FYB1: variants seen among roughly 807,000 people sequenced by gnomAD.
FYB1 encodes the protein FYN-binding protein 1.
Under a neutral mutation model 94.1 loss-of-function variants are expected in FYB1, and 41 were observed. The observed-to-expected ratio is 0.44, with a 90% CI of 0.34 to 0.57. The LOEUF is 0.57. Ranked by LOEUF, FYB1 falls within the 20% of genes least tolerant of loss-of-function variation. The pLI is 0.02. For missense variants in FYB1, 1,050 were observed against 976.8 expected (o/e 1.07, Z -1.00); for synonymous variants, 367 against 353.2 (o/e 1.04, Z -0.44).
Position 39,106,385 on chromosome 5 carries a change from T to C in FYB1, c.*1058A>G, listed in dbSNP as rs1033760092. 6.6e-6 allele frequency: 1 copy of C among 152,168 alleles called. No individual in the cohort carries two copies. The highest frequency in any genetic ancestry group is 1.5e-5 in the Non-Finnish European group (1 of 68,008). The allele number at this position is 152,168 out of a possible 1,614,324, so 9.4% of individuals were successfully genotyped here. On this transcript the variant is annotated 3_prime_UTR_variant, in exon 19 of 19. Transcript: ENST00000512982. ...TTTTAAATCATGCTATTTAGTGTTCTTAACATTTGAAACCCAAATGGTTCA... is the reference window on the plus strand; with the variant it reads ...TTTTAAATCATGCTATTTAGTGTTCCTAACATTTGAAACCCAAATGGTTCA...
At chr5:39,167,929 A>C (rs1310077234) in intron 2 of FYB1, among the ~76,000 whole-genome samples, 1 of 142,462 alleles carries the variant, frequency 7.0e-6, no homozygotes, top group African/African-American at 2.4e-5. Flanking sequence ...AAAAAGGCAA[A>C]AATTCTACTC....
intron 2 of FYB1, chr5:39,169,929 C>G (rs571298549): frequency 1.6e-5 from 10 of 632,870 alleles, no homozygotes; most frequent in South Asian, 1.5e-4. Context: ...CAGTAGGCTC[C>G]TTCTGTGAAC....
chr5:39,175,603 G>A (rs540230411), intron 2 of FYB1, among the ~76,000 whole-genome samples: 2 of 152,280 alleles, frequency 1.3e-5, no homozygotes, highest in South Asian at 4.1e-4. Flanking sequence ...CCCTTTTCAT[G>A]CGGGTACATG....
Position 39,136,768 on chromosome 5 carries a change from C to T in FYB1, c.1515+832G>A, listed in dbSNP as rs139323128. ...CTTTGCTTTAATGCAATAAATATAC[C>T]GGGAAGTTATATATAAATCATTTTT... On this transcript the variant is annotated intron_variant, in intron 7 of 18. Coordinates refer to ENST00000512982, the MANE Select transcript of FYB1 (RefSeq NM_001465.6). Among the ~76,000 whole-genome samples, 392 of 152,156 alleles carry T rather than the reference C, an allele frequency of 2.6e-3. 1 individual carries two copies. Among genetic ancestry groups the T allele is most frequent in the South Asian group, 0.02 (94 of 4,820 alleles).
chr5:39,263,021 A>T (rs1752286485), intron 1 of FYB1, among the ~76,000 whole-genome samples: 1 of 152,210 alleles, frequency 6.6e-6, no homozygotes. Flanking sequence ...GTTTTAAAAT[A>T]GATGCCAGAA....
chr5:39,203,494 T>C (rs1423977743), intron 1 of FYB1, among the ~76,000 whole-genome samples: 6 of 152,090 alleles, frequency 3.9e-5, no homozygotes, highest in Non-Finnish European at 8.8e-5. Flanking sequence ...TTTGCAAGAG[T>C]ATTTTTTTTT....
chr5:39,221,608 A>T (rs187951351), upstream of FYB1, among the ~76,000 whole-genome samples: 1 of 152,218 alleles, frequency 6.6e-6, no homozygotes, highest in East Asian at 1.9e-4. Context: ...AACATGGGAC[A>T]GTTGATCTTG....
At chr5:39,205,047 G>T (rs1269375023) in intron 1 of FYB1, among the ~76,000 whole-genome samples, 1 of 152,122 alleles carries the variant, frequency 6.6e-6, no homozygotes, top group Non-Finnish European at 1.5e-5. Flanking sequence ...GTTCTTCCCT[G>T]AACCTTCAGA....
At position 39,258,536 on chromosome 5, in the gene FYB1, G is replaced by T. The variant is rs185327906; in HGVS notation, c.-28+15867C>A. 8.1e-4 allele frequency among the ~76,000 whole-genome samples: 124 copies of T among 152,272 alleles called. 1 individual carries two copies. The highest frequency in any genetic ancestry group is 2.8e-3 in the African/African-American group (118 of 41,556). On this transcript the variant is annotated intron_variant, in intron 1 of 1. Coordinates refer to the FYB1 transcript ENST00000510188. The stretch of plus-strand genomic sequence containing the variant: ...AATCACTTGAACCCAGGAGGCAGAG[G>T]TTGCAGTGAGCTGAGATCGTGCCAC...
chr5:39,176,909 G>A (rs913038442), intron 2 of FYB1, among the ~76,000 whole-genome samples: 4 of 152,190 alleles, frequency 2.6e-5, no homozygotes, highest in African/African-American at 9.7e-5. Flanking sequence ...CATCTTGATA[G>A]GCAGGAGCAA....
intron 1 of FYB1, among the ~76,000 whole-genome samples, chr5:39,229,998 G>A (rs138140595): frequency 4.3e-4 from 66 of 152,126 alleles, no homozygotes; most frequent in Non-Finnish European, 6.9e-4. Flanking sequence ...AATCAAGATC[G>A]GGAATCTCTG....
intron 11 of FYB1, among the ~76,000 whole-genome samples, 166 bp from the exon 12 acceptor site, chr5:39,126,301 A>G (rs900460593): frequency 1.3e-5 from 2 of 151,830 alleles, no homozygotes; most frequent in African/African-American, 4.9e-5. Flanking sequence ...AAATTTACAG[A>G]TCATGGTGAT....
intron 2 of FYB1, among the ~76,000 whole-genome samples, chr5:39,180,637 A>C (rs551394045): frequency 3.0e-4 from 46 of 152,314 alleles, no homozygotes; most frequent in Non-Finnish European, 4.9e-4. Flanking sequence ...CTATTTTAGC[A>C]AAAGATGCTA....
At chr5:39,187,453 A>G (rs540242687) in intron 2 of FYB1, among the ~76,000 whole-genome samples, 14 of 152,274 alleles carry the variant, frequency 9.2e-5, no homozygotes, top group Non-Finnish European at 1.6e-4. Context: ...GGTACTTAAC[A>G]TACTAAAACA....
At chr5:39,132,760 G>T (rs1165825767) in intron 9 of FYB1, among the ~76,000 whole-genome samples, 2 of 152,090 alleles carry the variant, frequency 1.3e-5, no homozygotes, top group African/African-American at 4.8e-5. Flanking sequence ...AATGTAACTG[G>T]AATTCTTTCA....
At chr5:39,242,290 TC>T (rs1473122291) in intron 1 of FYB1, among the ~76,000 whole-genome samples, 5 of 84,700 alleles carry the variant, frequency 5.9e-5, no homozygotes, top group South Asian at 4.7e-4. Flanking sequence ...CCCTCCCCCC[TC>T]CCCCCACGCC....
At position 39,178,842 on chromosome 5, in the gene FYB1, G is replaced by A. The variant is rs1195702519; in HGVS notation, c.1135+22984C>T. Among the ~76,000 whole-genome samples the A allele has an allele frequency of 1.2e-4, 18 of 152,098 alleles. 1 individual carries two copies. The highest frequency in any genetic ancestry group is 1.2e-3 in the Admixed American group (18 of 15,266). On this transcript the variant is annotated intron_variant, in intron 2 of 18. Transcript: ENST00000512982. Reference sequence around the variant, plus strand: ...ACACATTGCAATAGTTTTCTGATAGGTACCGGATAATTTTCTTATAATCTT... The same window carrying A: ...ACACATTGCAATAGTTTTCTGATAGATACCGGATAATTTTCTTATAATCTT...
intron 1 of FYB1, among the ~76,000 whole-genome samples, chr5:39,266,252 C>T (rs1752433921): frequency 6.6e-6 from 1 of 152,108 alleles, no homozygotes; most frequent in East Asian, 1.9e-4. Context: ...TCTAGAATCA[C>T]ACTATGAATA....
In FYB1 at chr5:39,130,473, C is replaced by A; in HGVS notation, c.1840+117G>T. On this transcript the variant is annotated intron_variant, in intron 10 of 18. Coordinates refer to ENST00000512982, the MANE Select transcript of FYB1 (RefSeq NM_001465.6). ...CTCATGATGATGGATAGCCTAAATA[C>A]GCTGACTTGAACAATACACATTCTA... 8.9e-6 allele frequency: 7 copies of A among 789,328 alleles called. No individual in the cohort carries two copies. The South Asian group carries it at 9.5e-5, about 11-fold the overall frequency. The allele number at this position is 789,328 out of a possible 1,614,324, so 48.9% of individuals were successfully genotyped here.
Sources: allele counts gnomAD v4.1 joint callset (sites outside exome capture counted in the v4.1 genomes callset), GRCh38; gene constraint gnomAD v4.1.1; transcripts MANE v1.5; gene names NCBI Gene and HGNC (gene_info 2026-07-23, HGNC 2026-07-21).